Variants in FBXO25 observed in about 807,000 individuals in gnomAD.
The protein encoded by FBXO25 is F-box protein 25, also known as F-box only protein 25.
A neutral mutation model predicts 51.9 loss-of-function variants in FBXO25; 45 were observed. The ratio of observed to expected loss-of-function variants is 0.87; its 90% CI spans 0.68 to 1.11. FBXO25 has a LOEUF of 1.11. Among genes scored for constraint, FBXO25 ranks in the 50% most tolerant of loss-of-function variants. The probability of loss-of-function intolerance (pLI) is 0.00; values close to 1 mark genes in which losing one functional copy is unlikely to be tolerated. For missense variants in FBXO25, 507 were observed against 428.5 expected (o/e 1.18, Z -1.62); for synonymous variants, 199 against 151.0 (o/e 1.32, Z -2.33).
chr8:474,497 A>G lies in FBXO25; in HGVS notation c.*5693A>G, dbSNP rs1289301583. The G allele has an allele frequency of 6.0e-6, 2 of 335,068 alleles. No individual in the cohort carries two copies. Among genetic ancestry groups the G allele is most frequent in the African/African-American group, 4.4e-5 (2 of 45,632 alleles). The allele number at this position is 335,068 out of a possible 1,614,324, so 20.8% of individuals were successfully genotyped here. ...CATAAGTGTTTTACACGGTGGCTGCACCATTTTACATTCCCACTGAAGGTT... is the reference window on the plus strand; with the variant it reads ...CATAAGTGTTTTACACGGTGGCTGCGCCATTTTACATTCCCACTGAAGGTT... On this transcript the variant is annotated 3_prime_UTR_variant, in exon 10 of 10. Transcript: ENST00000350302.
At position 471,426 on chromosome 8, in the gene FBXO25, C is replaced by G. The variant is rs1800480685; in HGVS notation, c.*2622C>G. The G allele has an allele frequency of 6.6e-6, 1 of 152,224 alleles. No homozygotes were observed. The highest frequency in any genetic ancestry group is 2.1e-4 in the South Asian group (1 of 4,834). The allele number at this position is 152,224 out of a possible 1,614,324, so 9.4% of individuals were successfully genotyped here. A position where few individuals can be genotyped will look rare whatever the true frequency, so the allele number is the denominator to read the frequency against. On this transcript the variant is annotated 3_prime_UTR_variant, in exon 10 of 10. Coordinates refer to ENST00000350302, the MANE Select transcript of FBXO25 (RefSeq NM_183420.2). ...GGAATGGTATTTTTGAATACAGTTT[C>G]TATCAGGGGGCCTTCCAAAAGTAGG...
intron 2 of FBXO25, among the ~76,000 whole-genome samples, chr8:415,958 A>C (rs1250306621): frequency 1.3e-5 from 2 of 152,158 alleles, no homozygotes; most frequent in Non-Finnish European, 2.9e-5. Context: ...GATATATAAG[A>C]AGTTGTTCCT....
chr8:443,442 A>G (rs10107465), intron 5 of FBXO25, among the ~76,000 whole-genome samples: 40,871 of 151,562 alleles, frequency 0.27, 6,417 homozygotes, highest in Non-Finnish European at 0.37. Flanking sequence ...AAGTTGTGTA[A>G]CAGTTTAGTT....
intron 7 of FBXO25, among the ~76,000 whole-genome samples, chr8:454,617 C>T (rs891636058): frequency 2.0e-5 from 3 of 152,122 alleles, no homozygotes; most frequent in African/African-American, 4.8e-5. Context: ...ATGGGCCGGG[C>T]GCGATGGCTC....
chr8:450,001 A>G lies in FBXO25; in HGVS notation c.393A>G (p.Leu131=). The G allele has an allele frequency of 6.2e-7, 1 of 1,610,368 alleles. No homozygotes were observed. Among genetic ancestry groups the G allele is most frequent in the East Asian group, 2.2e-5 (1 of 44,758 alleles). Residue 131 remains leucine (L), a synonymous_variant, in exon 6 of 10, where the codon CTA becomes CTG. Transcript: ENST00000350302. ...GTCTTTCCTTTAAGCTGTTGCAGCT[A>G]ATTGCAAAATCCCAGTTAACTTCAT... The part of the protein sequence containing the change: ...RFNYVVKLLQ[L]IAKSQLTSLS...
chr8:430,543 C>T (rs1038322098), intron 2 of FBXO25, among the ~76,000 whole-genome samples: 1 of 151,916 alleles, frequency 6.6e-6, no homozygotes, highest in African/African-American at 2.4e-5. Flanking sequence ...AATTTTAGTT[C>T]CTTGGATTTG....
chr8:424,463 C>T (rs1012941188), intron 2 of FBXO25, among the ~76,000 whole-genome samples: 4 of 152,104 alleles, frequency 2.6e-5, no homozygotes, highest in African/African-American at 9.7e-5. Context: ...AAGAGTATTT[C>T]CTAGGTTATC....
intron 5 of FBXO25, among the ~76,000 whole-genome samples, chr8:447,401 C>T (rs1049748317): frequency 6.6e-6 from 1 of 152,112 alleles, no homozygotes; most frequent in Non-Finnish European, 1.5e-5. Context: ...GTGACCGTCA[C>T]CGCATGGATA....
chr8:464,226 G>C (rs1025680285), intron 9 of FBXO25, among the ~76,000 whole-genome samples: 4 of 152,202 alleles, frequency 2.6e-5, no homozygotes, highest in Non-Finnish European at 5.9e-5. Context: ...AAAGTGCTGG[G>C]ATTACAGGCG....
chr8:451,374 G>C lies in FBXO25; in HGVS notation c.581G>C (p.Gly194Ala). The change falls in exon 7 of 10, where the codon GGA becomes GCA. Residue 194 changes from glycine (G) to alanine (A), a missense_variant. Coordinates refer to ENST00000350302, the MANE Select transcript of FBXO25 (RefSeq NM_183420.2). ...GGAGTAGGGAAGTCTGTATTAGTGG[G>C]AAACATCAATATTTGGATTTGCCGA... ...IRGVGKSVLV[G>A]NINIWICRLE... The C allele has an allele frequency of 6.2e-7, 1 of 1,613,986 alleles. No individual in the cohort carries two copies. Among genetic ancestry groups the C allele is most frequent in the African/African-American group, 1.3e-5 (1 of 75,010 alleles).
At chr8:432,474 A>G (rs1379945468) in intron 3 of FBXO25, among the ~76,000 whole-genome samples, 2 of 152,250 alleles carry the variant, frequency 1.3e-5, no homozygotes, top group African/African-American at 4.8e-5. Flanking sequence ...GGTCACATGG[A>G]GAATACAGTT....
At chr8:447,019 G>A (rs562944856) in intron 5 of FBXO25, among the ~76,000 whole-genome samples, 3 of 152,294 alleles carry the variant, frequency 2.0e-5, no homozygotes, top group African/African-American at 7.2e-5. Context: ...CTAAGCCTGG[G>A]CAGTGATACT....
At chr8:411,613 A>G (rs976601960) in intron 1 of FBXO25, among the ~76,000 whole-genome samples, 2 of 152,106 alleles carry the variant, frequency 1.3e-5, no homozygotes, top group African/African-American at 4.8e-5. Context: ...TTTTCCTGGC[A>G]TTGTTCAAGG....
At chr8:423,718 T>C (rs1387319492) in intron 2 of FBXO25, among the ~76,000 whole-genome samples, 2 of 152,370 alleles carry the variant, frequency 1.3e-5, no homozygotes, top group East Asian at 3.9e-4. Flanking sequence ...GTTGATTCTG[T>C]GTCTTTACTA....
At chr8:433,641 C>T (rs1026404260) in intron 4 of FBXO25, among the ~76,000 whole-genome samples, 11 of 152,068 alleles carry the variant, frequency 7.2e-5, no homozygotes, top group African/African-American at 1.4e-4. Context: ...TACTAGGATC[C>T]GGGAAGTTGA....
chr8:413,549 G>A (rs1398081245), intron 2 of FBXO25, among the ~76,000 whole-genome samples: 2 of 152,104 alleles, frequency 1.3e-5, no homozygotes, highest in South Asian at 2.1e-4. Context: ...AGTAATAGTG[G>A]CTTACACAAG....
rs747749865 is a variant in FBXO25 at position 450,021 on chromosome 8, C to T, written c.413C>T (p.Thr138Ile). ...LLQLIAKSQL[T>I]SLSGVAQKNY... ...CAGCTAATTGCAAAATCCCAGTTAA[C>T]TTCATTGAGTGGCGTGGCACAGAAG... The change falls in exon 6 of 10, where the codon ACT becomes ATT. Residue 138 changes from threonine to isoleucine, a missense_variant. Physicochemically the swap from Thr to Ile is moderately conservative, Grantham distance 89 (BLOSUM62 -1). Transcript: ENST00000350302. 6.2e-7 allele frequency: 1 copy of T among 1,611,982 alleles called. No individual in the cohort carries two copies. The highest frequency in any genetic ancestry group is 2.2e-5 in the East Asian group (1 of 44,720).
At chr8:461,475 T>A (rs779242379) in intron 8 of FBXO25, among the ~76,000 whole-genome samples, 3 of 152,136 alleles carry the variant, frequency 2.0e-5, no homozygotes, top group Non-Finnish European at 2.9e-5. Context: ...AATCATCAGA[T>A]CTTGTGAGAC....
rs1800631621 is a variant in FBXO25 at position 476,055 on chromosome 8, C to T, written c.*7251C>T. On this transcript the variant is annotated 3_prime_UTR_variant, in exon 10 of 10. Coordinates refer to ENST00000350302, the MANE Select transcript of FBXO25 (RefSeq NM_183420.2). ...ATTTTAGGTTGTTTCCTTCTATTCC[C>T]AATTGTTGAGTTTTTATCATGAAAG... 2.6e-5 allele frequency: 4 copies of T among 152,020 alleles called. No homozygotes were observed. The highest frequency in any genetic ancestry group is 2.0e-4 in the Admixed American group (3 of 15,260). The allele number at this position is 152,020 out of a possible 1,614,324, so 9.4% of individuals were successfully genotyped here. A position where few individuals can be genotyped will look rare whatever the true frequency, so the allele number is the denominator to read the frequency against.
Sources: gnomAD v4.1 joint callset for allele counts (sites outside exome capture counted in the v4.1 genomes callset) on GRCh38, gnomAD v4.1.1 for gene constraint, MANE v1.5 for transcripts, NCBI Gene and HGNC (gene_info 2026-07-23, HGNC 2026-07-21) for gene names.